The following TPM3 variants were observed in gnomAD, a reference collection of about 807,000 sequenced individuals.
TPM3 encodes the protein tropomyosin 3, also known as tropomyosin alpha-3 chain.
TPM3 carries 16 observed loss-of-function variants against 43.1 expected under a neutral mutation model. That is an observed-to-expected ratio of 0.37 (90% CI 0.25 to 0.56). The LOEUF (loss-of-function observed/expected upper bound fraction) is 0.56, where lower values mean the gene tolerates loss of function less well. Among genes scored for constraint, TPM3 ranks in the 20% least tolerant of loss-of-function variants. TPM3 has a pLI of 0.77. For synonymous variants in TPM3, 101 were observed against 116.9 expected, an observed-to-expected ratio of 0.86 and a Z score of 0.88; for missense variants, 176 against 337.2, an observed-to-expected ratio of 0.52 and a Z score of 3.74.
At chr1:154,173,682 T>G (rs1456076101) in intron 3 of TPM3, among the ~76,000 whole-genome samples, 1 of 146,656 alleles carries the variant, frequency 6.8e-6, no homozygotes, top group African/African-American at 2.5e-5. Context: ...AAAAAAAAAC[T>G]TTTTGTTATA....
chr1:154,183,305 G>C, intron 2 of TPM3: 1 of 1,485,642 alleles, frequency 6.7e-7, no homozygotes, highest in East Asian at 2.5e-5. Context: ...TCCACTGGAG[G>C]GAGAGCCGCG....
chr1:154,172,533 C>A (rs1400299870), intron 5 of TPM3: 2 of 480,306 alleles, frequency 4.2e-6, no homozygotes, highest in East Asian at 1.2e-4. Context: ...GCTGGGACTA[C>A]AGGTTTGAGC....
downstream of TPM3, among the ~76,000 whole-genome samples, chr1:154,159,402 G>C (rs1260965801): frequency 1.3e-5 from 2 of 152,204 alleles, no homozygotes; most frequent in Non-Finnish European, 2.9e-5. Context: ...TCGAAGAAAT[G>C]TGTTCACAAT....
At chr1:154,179,831 G>C (rs1478913213) in intron 2 of TPM3, among the ~76,000 whole-genome samples, 1 of 151,824 alleles carries the variant, frequency 6.6e-6, no homozygotes, top group Non-Finnish European at 1.5e-5. Context: ...CCTCCCAAAG[G>C]GCTGGGATTA....
intron 2 of TPM3, among the ~76,000 whole-genome samples, chr1:154,178,498 C>T (rs145408715): frequency 6.6e-6 from 1 of 152,174 alleles, no homozygotes; most frequent in Non-Finnish European, 1.5e-5. Context: ...AGGATCAGTT[C>T]TCTTTACAAT....
rs34224787 is a variant in TPM3, at chr1:154,174,368, G to GTATATATATATATATA, written c.378-1183_378-1168dup. On this transcript the variant is annotated intron_variant, in intron 3 of 9. Coordinates refer to ENST00000651641, the MANE Select transcript of TPM3 (RefSeq NM_152263.4). Reference sequence around the variant, plus strand: ...AAATAAATATTATTTAAATATATGTGTATATATATATATATATATATATAT... The same window carrying GTATATATATATATATA: ...AAATAAATATTATTTAAATATATGTGTATATATATATATATATATATATATATATATATATATATAT... Among the ~76,000 whole-genome samples, 18 of 46,372 alleles carry GTATATATATATATATA rather than the reference G, an allele frequency of 3.9e-4. 1 individual carries two copies. Among genetic ancestry groups the GTATATATATATATATA allele is most frequent in the Non-Finnish European group, 5.6e-4 (13 of 23,324 alleles). The allele number at this position is 46,372 out of a possible 152,430, so 30.4% of individuals were successfully genotyped here.
At chr1:154,185,181 G>A (rs1663352922) in intron 2 of TPM3, among the ~76,000 whole-genome samples, 2 of 151,776 alleles carry the variant, frequency 1.3e-5, no homozygotes, top group Non-Finnish European at 2.9e-5. Context: ...AGACCAGCCT[G>A]GCCAACATGG....
chr1:154,169,418 G>A (rs1355507244), intron 8 of TPM3, 35 bp from the exon 9 acceptor site: 3 of 1,607,620 alleles, frequency 1.9e-6, no homozygotes, highest in Non-Finnish European at 2.6e-6. Flanking sequence ...GAGGAATGAG[G>A]GGACAGAGTG....
chr1:154,157,138 TGAG>T (rs542333176), downstream of TPM3: 396 of 254,288 alleles, frequency 1.6e-3, 1 homozygote, highest in South Asian at 3.8e-3. Flanking sequence ...TACAGAACAA[TGAG>T]GTTTCCCACA....
chr1:154,187,552 TA>T, intron 2 of TPM3: 1 of 975,886 alleles, frequency 1.0e-6, no homozygotes, highest in Non-Finnish European at 1.2e-6. Context: ...TTCAAATGAA[TA>T]TACTGAGTAG....
rs920934392 is a variant in TPM3 at position 154,167,660 on chromosome 1, T to C, written c.*277A>G. ...AAGTCAGAGGAGGGGGAGCCTACAA[T>C]AGCTCTTCCCCACATCACACCCCCA... On this transcript the variant is annotated 3_prime_UTR_variant, in exon 10 of 10. Transcript: ENST00000651641. 79 of 1,322,828 alleles carry C rather than the reference T, an allele frequency of 6.0e-5. No homozygotes were observed. Among genetic ancestry groups the C allele is most frequent in the Non-Finnish European group, 6.7e-5 (69 of 1,028,264 alleles). The allele number at this position is 1,322,828 out of a possible 1,614,324, so 81.9% of individuals were successfully genotyped here.
chr1:154,164,802 C>A lies in TPM3; in HGVS notation c.*3135G>T, dbSNP rs1471103149. ...CAGCAATGAATATGGAAAAAGCCATCAAAAATGGTAACATAAATGGCTGAA... is the reference window on the plus strand; with the variant it reads ...CAGCAATGAATATGGAAAAAGCCATAAAAAATGGTAACATAAATGGCTGAA... On this transcript the variant is annotated 3_prime_UTR_variant, in exon 10 of 10. Coordinates refer to ENST00000651641, the MANE Select transcript of TPM3 (RefSeq NM_152263.4). Among the ~76,000 whole-genome samples the A allele has an allele frequency of 2.6e-5, 4 of 152,162 alleles. No individual in the cohort carries two copies. Among genetic ancestry groups the A allele is most frequent in the African/African-American group, 9.7e-5 (4 of 41,438 alleles).
chr1:154,173,281 A>G (rs1661813521), intron 3 of TPM3, 80 bp from the exon 4 acceptor site: 2 of 1,205,492 alleles, frequency 1.7e-6, no homozygotes. Context: ...TCAGAACTGT[A>G]CTTTTAAAAG....
At chr1:154,168,034 T>C in intron 9 of TPM3, 94 bp from the exon 10 acceptor site, 3 of 1,552,822 alleles carry the variant, frequency 1.9e-6, no homozygotes, top group Non-Finnish European at 2.7e-6. Context: ...AAGGAAGAGG[T>C]GGCAGCAGGA....
At position 154,166,554 on chromosome 1, in the gene TPM3, A is replaced by T; in HGVS notation, c.*1383T>A. ...GCAAGTGCCATTGCACCCAGCTAAA[A>T]GAAAAGCAAATTTTAAATACATACC... On this transcript the variant is annotated 3_prime_UTR_variant, in exon 10 of 10. Coordinates refer to ENST00000651641, the MANE Select transcript of TPM3 (RefSeq NM_152263.4). 9.5e-7 allele frequency: 1 copy of T among 1,056,644 alleles called. No individual in the cohort carries two copies. Among genetic ancestry groups the T allele is most frequent in the Non-Finnish European group, 1.1e-6 (1 of 873,838 alleles). 65.5% of individuals were successfully genotyped at this position (1,056,644 alleles called of 1,614,324 possible). A position where few individuals can be genotyped will look rare whatever the true frequency, so the allele number is the denominator to read the frequency against.
Position 154,162,221 on chromosome 1 carries a change from C to T in TPM3, c.*5716G>A, listed in dbSNP as rs1439168785. On this transcript the variant is annotated 3_prime_UTR_variant, in exon 10 of 10. Coordinates refer to ENST00000651641, the MANE Select transcript of TPM3 (RefSeq NM_152263.4). ...CTCTACTAAAAACACAAAAATTAGCCGGGCTTGGTTGCACGTGCCTGTAAT... is the reference window on the plus strand; with the variant it reads ...CTCTACTAAAAACACAAAAATTAGCTGGGCTTGGTTGCACGTGCCTGTAAT... 2.6e-5 allele frequency among the ~76,000 whole-genome samples: 4 copies of T among 151,760 alleles called. No individual in the cohort carries two copies. Among genetic ancestry groups the T allele is most frequent in the African/African-American group, 2.4e-5 (1 of 41,282 alleles).
Position 154,171,406 on chromosome 1 carries a change from C to T in TPM3, c.642+7G>A, listed in dbSNP as rs1661560737. Reference sequence around the variant, plus strand: ...AAAGCCTGTCACTTTCACAAACCAGCCCCTACCTTCTCCGCCTGAGCCTCA... The same window carrying T: ...AAAGCCTGTCACTTTCACAAACCAGTCCCTACCTTCTCCGCCTGAGCCTCA... On this transcript the variant is annotated splice_region_variant and intron_variant, in intron 6 of 9. Coordinates refer to ENST00000651641, the MANE Select transcript of TPM3 (RefSeq NM_152263.4). 1.2e-6 allele frequency: 2 copies of T among 1,614,140 alleles called. No individual in the cohort carries two copies. The highest frequency in any genetic ancestry group is 8.5e-7 in the Non-Finnish European group (1 of 1,179,970).
intron 2 of TPM3, chr1:154,183,239 C>A (rs1308764821): frequency 3.9e-6 from 6 of 1,538,516 alleles, no homozygotes; most frequent in Non-Finnish European, 5.2e-6. Context: ...ACCAACCCGC[C>A]CGGATGTGAC....
Position 154,165,274 on chromosome 1 carries a change from C to T in TPM3, c.*2663G>A, listed in dbSNP as rs1660817286. On this transcript the variant is annotated 3_prime_UTR_variant, in exon 10 of 10. Coordinates refer to ENST00000651641, the MANE Select transcript of TPM3 (RefSeq NM_152263.4). ...GTGGGTATCTGTAATCACAGCTCCTCGGGAAGCTGAGACAGGAGAATCGCT... is the reference window on the plus strand; with the variant it reads ...GTGGGTATCTGTAATCACAGCTCCTTGGGAAGCTGAGACAGGAGAATCGCT... 6.6e-6 allele frequency among the ~76,000 whole-genome samples: 1 copy of T among 151,902 alleles called. No individual in the cohort carries two copies.
Sources: allele counts gnomAD v4.1 joint callset (sites outside exome capture counted in the v4.1 genomes callset), GRCh38; gene constraint gnomAD v4.1.1; transcripts MANE v1.5; gene names NCBI Gene and HGNC (gene_info 2026-07-23, HGNC 2026-07-21).